The following SOX5 variants were observed in gnomAD, a reference collection of about 807,000 sequenced individuals.
The protein encoded by SOX5 is SRY-box transcription factor 5, also known as transcription factor SOX-5.
In SOX5, 9 loss-of-function variants were observed where a neutral mutation model predicts 92.0. The observed-to-expected ratio is 0.10, with a 90% CI of 0.06 to 0.17. The LOEUF is 0.17. SOX5 is among the 10% of genes least tolerant of loss of function. SOX5 has a pLI of 1.00. For missense variants in SOX5, 642 were observed against 944.5 expected (o/e 0.68, Z 4.20); for synonymous variants, 344 against 336.3 (o/e 1.02, Z -0.25).
At chr12:23,543,046 T>A (rs1942421378) in intron 13 of SOX5, among the ~76,000 whole-genome samples, 165 bp downstream of exon 13, 1 of 152,156 alleles carries the variant, frequency 6.6e-6, no homozygotes, top group Non-Finnish European at 1.5e-5. Flanking sequence ...TCAATGGACA[T>A]AGAATGCTTC....
At chr12:23,750,498 A>T (rs1380004237) in intron 4 of SOX5, among the ~76,000 whole-genome samples, 1 of 151,902 alleles carries the variant, frequency 6.6e-6, no homozygotes, top group Non-Finnish European at 1.5e-5. Context: ...ACAAAACAGG[A>T]AAAGGTTTTA....
intron 1 of SOX5, among the ~76,000 whole-genome samples, chr12:24,444,226 A>C (rs1038287011): frequency 1.3e-5 from 2 of 152,108 alleles, no homozygotes; most frequent in Non-Finnish European, 2.9e-5. Flanking sequence ...TGAACAGAAG[A>C]AACTAGCATT....
intron 8 of SOX5, among the ~76,000 whole-genome samples, chr12:23,608,773 A>G (rs1211746579): frequency 6.6e-6 from 1 of 152,232 alleles, no homozygotes; most frequent in Non-Finnish European, 1.5e-5. Flanking sequence ...AACACTCAGG[A>G]AAGCACATGG....
chr12:23,779,875 G>T (rs2095234503), intron 3 of SOX5, among the ~76,000 whole-genome samples: 1 of 139,018 alleles, frequency 7.2e-6, no homozygotes, highest in African/African-American at 2.7e-5. Context: ...GTGCATACAT[G>T]ACTAATAACC....
chr12:24,492,093 C>T lies in SOX5; in HGVS notation c.-251+70236G>A, dbSNP rs575745530. On this transcript the variant is annotated intron_variant, in intron 1 of 4. Transcript: ENST00000446891. The stretch of plus-strand genomic sequence containing the variant: ...TAATAAAATCTTTAAGCTTGGTAAC[C>T]TTACTCAAACTAATCAAAAGAGGAA... Among the ~76,000 whole-genome samples the T allele has an allele frequency of 2.6e-5, 4 of 152,260 alleles. No individual in the cohort carries two copies. In the East Asian group the frequency reaches 7.7e-4, roughly 29 times the overall value.
chr12:24,482,494 T>A (rs1364838757), intron 1 of SOX5, among the ~76,000 whole-genome samples: 1 of 152,158 alleles, frequency 6.6e-6, no homozygotes, highest in Non-Finnish European at 1.5e-5. Context: ...TATACACCAG[T>A]GTAAAGATGT....
intron 13 of SOX5, 132 bp downstream of exon 13, chr12:23,543,079 A>G (rs751497547): frequency 2.9e-5 from 18 of 617,394 alleles, no homozygotes; most frequent in Non-Finnish European, 4.4e-5. Flanking sequence ...AGCCTCAATG[A>G]TGATGTTTAT....
At chr12:23,621,034 T>C (rs1386036736) in intron 8 of SOX5, among the ~76,000 whole-genome samples, 2 of 152,248 alleles carry the variant, frequency 1.3e-5, no homozygotes, top group South Asian at 2.1e-4. Context: ...ATTTCTCTAT[T>C]TGACACTACA....
intron 3 of SOX5, among the ~76,000 whole-genome samples, chr12:23,803,571 A>G (rs1042172425): frequency 2.0e-5 from 3 of 152,216 alleles, no homozygotes; most frequent in Non-Finnish European, 4.4e-5. Context: ...CTTTTATAAA[A>G]TATTTAATAC....
intron 9 of SOX5, among the ~76,000 whole-genome samples, chr12:23,593,866 G>A (rs1365307451): frequency 6.6e-6 from 1 of 151,486 alleles, no homozygotes; most frequent in Non-Finnish European, 1.5e-5. Flanking sequence ...GAAAAAAGGA[G>A]AGAGAGAGAG....
intron 4 of SOX5, among the ~76,000 whole-genome samples, chr12:24,038,203 A>C (rs1324264248): frequency 1.3e-5 from 2 of 152,204 alleles, no homozygotes; most frequent in African/African-American, 2.4e-5. Flanking sequence ...AACCATGTGA[A>C]TGTGGAAGTT....
chr12:23,562,535 C>T (rs534559365), intron 11 of SOX5, among the ~76,000 whole-genome samples: 1 of 152,196 alleles, frequency 6.6e-6, no homozygotes, highest in Admixed American at 6.5e-5. Flanking sequence ...TTCTGTAAAG[C>T]GCACTGGGTA....
At chr12:23,654,231 A>G (rs996717102) in intron 7 of SOX5, among the ~76,000 whole-genome samples, 24 of 152,246 alleles carry the variant, frequency 1.6e-4, no homozygotes, top group East Asian at 1.3e-3. Flanking sequence ...GTTAAAGAAT[A>G]AAATAATCTC....
chr12:23,887,284 T>C (rs183877669), intron 2 of SOX5, among the ~76,000 whole-genome samples: 23 of 152,246 alleles, frequency 1.5e-4, no homozygotes, highest in Admixed American at 1.4e-3. Flanking sequence ...ATAATGGCTC[T>C]ATTGAGATCC....
intron 1 of SOX5, among the ~76,000 whole-genome samples, chr12:24,412,732 C>T (rs1964327188): frequency 6.6e-6 from 1 of 150,820 alleles, no homozygotes; most frequent in Non-Finnish European, 1.5e-5. Context: ...TCCATGGACA[C>T]ATGAAAAGAA....
At chr12:23,569,551 G>A (rs185175236) in intron 10 of SOX5, among the ~76,000 whole-genome samples, 34 of 152,246 alleles carry the variant, frequency 2.2e-4, no homozygotes, top group East Asian at 7.8e-4. Context: ...AGGCCTAAGA[G>A]TCTCCTCATG....
In SOX5 at chr12:23,702,628, T is replaced by C. The variant is rs374340898; in HGVS notation, c.810+32056A>G. Among the ~76,000 whole-genome samples the C allele has an allele frequency of 1.8e-4, 27 of 152,142 alleles. No homozygotes were observed. In the South Asian group the frequency reaches 5.6e-3, roughly 32 times the overall value. ...AAATGATAAGAAAAAGAAAAAACTT[T>C]AGAAAGGATGTTACACAAACAGTAA... On this transcript the variant is annotated intron_variant, in intron 6 of 14. Coordinates refer to ENST00000451604, the MANE Select transcript of SOX5 (RefSeq NM_006940.6).
intron 1 of SOX5, among the ~76,000 whole-genome samples, chr12:24,503,072 T>C (rs56056914): frequency 3.5e-4 from 53 of 152,324 alleles, no homozygotes; most frequent in African/African-American, 1.3e-3. Flanking sequence ...AAAAATAACA[T>C]TAGTAGGAAA....
intron 6 of SOX5, among the ~76,000 whole-genome samples, chr12:23,723,996 A>G (rs2092974860): frequency 6.6e-6 from 1 of 152,150 alleles, no homozygotes; most frequent in South Asian, 2.1e-4. Context: ...CATATGTGGA[A>G]AATGTCTTTT....
Sources: allele counts gnomAD v4.1 joint callset (sites outside exome capture counted in the v4.1 genomes callset), GRCh38; gene constraint gnomAD v4.1.1; transcripts MANE v1.5; gene names NCBI Gene and HGNC (gene_info 2026-07-23, HGNC 2026-07-21).